NAALADL2: variants seen among roughly 807,000 people sequenced by gnomAD.
NAALADL2 encodes the protein inactive N-acetylated-alpha-linked acidic dipeptidase-like protein 2.
Under a neutral mutation model 87.2 loss-of-function variants are expected in NAALADL2, and 76 were observed. The ratio of observed to expected loss-of-function variants is 0.87; its 90% CI spans 0.72 to 1.05. NAALADL2 has a LOEUF of 1.05. Ranked by LOEUF, NAALADL2 falls within the 50% of genes least tolerant of loss-of-function variation. NAALADL2 has a pLI of 0.00. For synonymous variants in NAALADL2, 354 were observed against 331.0 expected (o/e 1.07, Z -0.75); for missense variants, 1,089 against 945.8 (o/e 1.15, Z -1.99).
intron 2 of NAALADL2, among the ~76,000 whole-genome samples, chr3:174,704,703 A>G (rs897582401): frequency 2.0e-5 from 3 of 152,028 alleles, no homozygotes; most frequent in Admixed American, 1.3e-4. Context: ...ATAAAAAAAA[A>G]CTTCCCAAGG....
intron 2 of NAALADL2, among the ~76,000 whole-genome samples, chr3:175,138,001 A>T (rs1392967475): frequency 6.6e-6 from 1 of 152,186 alleles, no homozygotes; most frequent in African/African-American, 2.4e-5. Flanking sequence ...TTACCACTTA[A>T]TTAATTTTCC....
intron 2 of NAALADL2, among the ~76,000 whole-genome samples, chr3:174,681,174 C>G (rs992655123): frequency 5.9e-5 from 9 of 152,160 alleles, no homozygotes; most frequent in Non-Finnish European, 1.0e-4. Flanking sequence ...TATCACCCAT[C>G]CCAGCAACTG....
chr3:174,466,017 G>C lies in NAALADL2; in HGVS notation c.-184+24985G>C. On this transcript the variant is annotated intron_variant, in intron 1 of 3. Transcript: ENST00000434257. ...CACACAGTGGTGGTAGAGTAGTCCA[G>C]ACTGTCAAAGTGGTTAACTTCAAAC... Among the ~76,000 whole-genome samples, 2 of 152,136 alleles carry C rather than the reference G, an allele frequency of 1.3e-5. 1 individual carries two copies. The highest frequency in any genetic ancestry group is 2.9e-5 in the Non-Finnish European group (2 of 68,016).
chr3:175,394,141 C>A (rs555823536), intron 5 of NAALADL2, among the ~76,000 whole-genome samples: 1 of 152,074 alleles, frequency 6.6e-6, no homozygotes, highest in African/African-American at 2.4e-5. Context: ...GGATTTCCAA[C>A]AAATAAATTT....
At chr3:175,356,779 A>G (rs935775961) in intron 5 of NAALADL2, among the ~76,000 whole-genome samples, 2 of 152,174 alleles carry the variant, frequency 1.3e-5, no homozygotes, top group East Asian at 1.9e-4. Context: ...TGAAGCCACA[A>G]TGGAAAAAGT....
chr3:175,446,788 C>T (rs983624359), intron 5 of NAALADL2, among the ~76,000 whole-genome samples: 1 of 152,110 alleles, frequency 6.6e-6, no homozygotes, highest in Non-Finnish European at 1.5e-5. Context: ...TTTCTTTGTT[C>T]GGTGGTACAA....
At chr3:175,391,740 G>T (rs891722048) in intron 5 of NAALADL2, among the ~76,000 whole-genome samples, 3 of 151,980 alleles carry the variant, frequency 2.0e-5, no homozygotes, top group Non-Finnish European at 2.9e-5. Flanking sequence ...CTTGTTATAT[G>T]GCAATAGATA....
intron 5 of NAALADL2, among the ~76,000 whole-genome samples, chr3:175,393,120 A>G (rs904721564): frequency 6.6e-6 from 1 of 151,098 alleles, no homozygotes; most frequent in East Asian, 1.9e-4. Context: ...TAAAAATACA[A>G]AAAATTAGCC....
chr3:175,553,899 T>C (rs560525958), intron 9 of NAALADL2, among the ~76,000 whole-genome samples: 1 of 152,246 alleles, frequency 6.6e-6, no homozygotes, highest in South Asian at 2.1e-4. Context: ...GGGGCTTTTA[T>C]GGAGTATGCA....
At chr3:174,482,935 T>C (rs948407475) in intron 1 of NAALADL2, among the ~76,000 whole-genome samples, 3 of 152,080 alleles carry the variant, frequency 2.0e-5, no homozygotes, top group African/African-American at 7.2e-5. Flanking sequence ...ACTCAAGAAA[T>C]CATAAGGCGT....
In NAALADL2 at chr3:174,743,343, T is replaced by C. The variant is rs1215355246; in HGVS notation, c.-9+5597T>C. On this transcript the variant is annotated intron_variant, in intron 3 of 3. Transcript: ENST00000434257. Reference sequence around the variant, plus strand: ...CTCCAGAGCACGTTTTATACCATTGTAAGTGAAACCTCTCTGTTTCTGAGA... The same window carrying C: ...CTCCAGAGCACGTTTTATACCATTGCAAGTGAAACCTCTCTGTTTCTGAGA... Among the ~76,000 whole-genome samples, 6 of 151,960 alleles carry C rather than the reference T, an allele frequency of 3.9e-5. No homozygotes were observed. The South Asian group carries it at 6.2e-4, about 16-fold the overall frequency.
intron 1 of NAALADL2, among the ~76,000 whole-genome samples, chr3:174,875,227 C>G (rs1728356708): frequency 6.7e-6 from 1 of 150,124 alleles, no homozygotes. Context: ...CTCTCCAATT[C>G]TAGGATTTCT....
intron 5 of NAALADL2, among the ~76,000 whole-genome samples, chr3:175,429,276 G>A (rs369556727): frequency 8.0e-5 from 12 of 149,594 alleles, no homozygotes; most frequent in East Asian, 7.9e-4. Flanking sequence ...TTTCAGATAC[G>A]CCCTGGGGAG....
At chr3:175,608,332 A>G (rs977107051) in intron 10 of NAALADL2, among the ~76,000 whole-genome samples, 7 of 151,080 alleles carry the variant, frequency 4.6e-5, no homozygotes, top group African/African-American at 1.7e-4. Flanking sequence ...CTTTTAATGA[A>G]GATTAGCTCC....
At chr3:174,824,793 C>T (rs1008086883) in intron 3 of NAALADL2, among the ~76,000 whole-genome samples, 3 of 152,046 alleles carry the variant, frequency 2.0e-5, no homozygotes, top group African/African-American at 7.2e-5. Context: ...GACAAAATGG[C>T]CATACTGTTC....
intron 2 of NAALADL2, among the ~76,000 whole-genome samples, chr3:174,622,828 C>T (rs892774792): frequency 2.0e-5 from 3 of 152,118 alleles, no homozygotes; most frequent in Admixed American, 6.5e-5. Context: ...ATCACGAGGT[C>T]GGGAGATGGA....
chr3:174,807,888 T>TGTGTGTGTGTGTGAGA (rs575685742), intron 3 of NAALADL2, among the ~76,000 whole-genome samples: 1 of 111,514 alleles, frequency 9.0e-6, no homozygotes, highest in African/African-American at 2.8e-5. Flanking sequence ...TGTGTGTGTG[T>TGTGTGTGTGTGTGAGA]GAGAGAGAGA....
rs551749303 is a variant in NAALADL2 at position 174,893,194 on chromosome 3, T to A, written c.43+33744T>A. ...AAAACTTTTAAACTAGAGTAGTATA[T>A]CTGGCAATAATATCCTTTAAACATG... On this transcript the variant is annotated intron_variant, in intron 1 of 13. Coordinates refer to ENST00000454872, the MANE Select transcript of NAALADL2 (RefSeq NM_207015.3). 7.2e-5 allele frequency among the ~76,000 whole-genome samples: 11 copies of A among 152,192 alleles called. No homozygotes were observed. In the East Asian group the frequency reaches 2.1e-3, roughly 29 times the overall value.
intron 2 of NAALADL2, among the ~76,000 whole-genome samples, chr3:174,561,597 T>G (rs1223951576): frequency 6.6e-6 from 1 of 151,998 alleles, no homozygotes; most frequent in African/African-American, 2.4e-5. Context: ...TAATCAGATA[T>G]TGAGGGTAGA....
Sources: gnomAD v4.1 joint callset for allele counts (sites outside exome capture counted in the v4.1 genomes callset) on GRCh38, gnomAD v4.1.1 for gene constraint, MANE v1.5 for transcripts, NCBI Gene and HGNC (gene_info 2026-07-23, HGNC 2026-07-21) for gene names.